Variants in CDKN2B-AS1 observed in about 807,000 individuals in gnomAD.
CDKN2B-AS1 encodes CDKN2B antisense RNA 1 (non-protein coding).
intron 4 of CDKN2B-AS1, among the ~76,000 whole-genome samples, chr9:22,117,311 A>G (rs1252997077): frequency 1.3e-5 from 2 of 152,226 alleles, no homozygotes; most frequent in East Asian, 3.8e-4. Context: ...CAACTATTTA[A>G]CATGGCCATT....
chr9:22,128,111 A>G (rs1019509604), downstream of CDKN2B-AS1, among the ~76,000 whole-genome samples: 1 of 152,230 alleles, frequency 6.6e-6, no homozygotes. Flanking sequence ...GGATCAATAT[A>G]TATTTGCAAT....
intron 1 of CDKN2B-AS1, among the ~76,000 whole-genome samples, chr9:22,016,330 T>C (rs202069023): frequency 2.6e-5 from 4 of 152,154 alleles, no homozygotes; most frequent in African/African-American, 7.2e-5. Flanking sequence ...ATTCCATGCT[T>C]ATGGATAGGA....
At chr9:22,034,182 TTATTACTTTATGTGC>T (rs1822591576) in intron 1 of CDKN2B-AS1, among the ~76,000 whole-genome samples, 1 of 152,194 alleles carries the variant, frequency 6.6e-6, no homozygotes, top group Non-Finnish European at 1.5e-5. Context: ...TCTCAATTGG[TTATTACTTTATGTGC>T]TTTCCATATT....
intron 4 of CDKN2B-AS1, among the ~76,000 whole-genome samples, chr9:22,122,273 G>A (rs916901028): frequency 1.3e-5 from 2 of 151,940 alleles, no homozygotes; most frequent in Non-Finnish European, 2.9e-5. Flanking sequence ...AGATGTTTGA[G>A]TCCCTTATAT....
At chr9:22,047,871 C>G (rs749762151) in intron 2 of CDKN2B-AS1, among the ~76,000 whole-genome samples, 1 of 151,776 alleles carries the variant, frequency 6.6e-6, no homozygotes, top group East Asian at 1.9e-4. Flanking sequence ...ATTGCAGCCT[C>G]AACCTCTTGG....
intron 1 of CDKN2B-AS1, among the ~76,000 whole-genome samples, chr9:22,045,220 A>G (rs1340330527): frequency 6.6e-6 from 1 of 152,036 alleles, no homozygotes. Context: ...GTATTCTAAC[A>G]TAGAATAGCT....
chr9:22,069,963 A>C (rs1824221106), intron 4 of CDKN2B-AS1, among the ~76,000 whole-genome samples: 1 of 152,058 alleles, frequency 6.6e-6, no homozygotes, highest in South Asian at 2.1e-4. Flanking sequence ...CCCAGGTTCA[A>C]GTGATTCTTT....
chr9:22,010,251 C>T (rs186100196), intron 1 of CDKN2B-AS1, among the ~76,000 whole-genome samples: 28 of 152,240 alleles, frequency 1.8e-4, no homozygotes, highest in Non-Finnish European at 3.1e-4. Context: ...TTTCCCCTTC[C>T]TAATCTTCCT....
chr9:22,068,101 G>C (rs1824137226), intron 4 of CDKN2B-AS1, among the ~76,000 whole-genome samples: 1 of 152,152 alleles, frequency 6.6e-6, no homozygotes, highest in South Asian at 2.1e-4. Flanking sequence ...TTAAATGTTA[G>C]TTTTGTCCTC....
rs1821368215 is a variant in CDKN2B-AS1 at position 22,009,247 on chromosome 9, G to T, written n.29+14086G>T. On this transcript the variant is annotated intron_variant and non_coding_transcript_variant, in intron 1 of 4. Transcript: ENST00000650946. The stretch of plus-strand genomic sequence containing the variant: ...ACGCAGCCGAGCTCAAAGCCGCTCT[G>T]GCCGCAGGGTGCGGACGCGTCGCGG... The T allele has an allele frequency of 1.1e-5, 6 of 554,064 alleles. No homozygotes were observed. In the Admixed American group the frequency reaches 1.9e-4, roughly 18 times the overall value. 34.3% of individuals were successfully genotyped at this position (554,064 alleles called of 1,614,324 possible).
At position 22,093,722 on chromosome 9, in the gene CDKN2B-AS1, G is replaced by A. The variant is rs186095643; in HGVS notation, n.439-33381G>A. ...TGAGCCTATGTGTGTTTCTGCACAT[G>A]AGATGGGATTCCTGAATACAGCACA... On this transcript the variant is annotated intron_variant and non_coding_transcript_variant, in intron 4 of 4. Coordinates refer to ENST00000650946, the Ensembl canonical transcript of CDKN2B-AS1. 2.9e-4 allele frequency among the ~76,000 whole-genome samples: 41 copies of A among 143,828 alleles called. 1 individual carries two copies. The highest frequency in any genetic ancestry group is 2.6e-3 in the South Asian group (12 of 4,702). 94.4% of individuals were successfully genotyped at this position (143,828 alleles called of 152,430 possible).
chr9:22,101,227 C>T (rs541639857), intron 4 of CDKN2B-AS1, among the ~76,000 whole-genome samples: 5 of 152,294 alleles, frequency 3.3e-5, no homozygotes, highest in African/African-American at 1.2e-4. Context: ...ACAACTTTCC[C>T]TCCTCACTGC....
chr9:22,124,261 C>G (rs907326881), intron 4 of CDKN2B-AS1, among the ~76,000 whole-genome samples: 1 of 152,080 alleles, frequency 6.6e-6, no homozygotes, highest in African/African-American at 2.4e-5. Flanking sequence ...AACCACAATC[C>G]CACATTTTAA....
chr9:21,998,411 T>C (rs1474731855), intron 1 of CDKN2B-AS1, among the ~76,000 whole-genome samples: 1 of 152,252 alleles, frequency 6.6e-6, no homozygotes, highest in Non-Finnish European at 1.5e-5. Flanking sequence ...GAATGAGGCC[T>C]AGAAAGGCTC....
intron 1 of CDKN2B-AS1, chr9:22,004,879 A>G (rs1821087514): frequency 4.3e-6 from 1 of 233,160 alleles, no homozygotes; most frequent in Non-Finnish European, 8.5e-6. Context: ...GAAAAATTTA[A>G]CAAAGAAATA....
intron 3 of CDKN2B-AS1, among the ~76,000 whole-genome samples, chr9:22,055,795 A>G (rs1823534122): frequency 1.3e-5 from 2 of 152,006 alleles, no homozygotes; most frequent in Admixed American, 1.3e-4. Flanking sequence ...TTTAGTGAAA[A>G]TTTTTATTGA....
chr9:22,112,451 G>T (rs1021788656), intron 4 of CDKN2B-AS1: 1 of 152,202 alleles, frequency 6.6e-6, no homozygotes, highest in Admixed American at 6.5e-5. Context: ...CCTGGGAAAA[G>T]TCTGATTGTC....
At chr9:22,025,864 T>C (rs1170065517) in intron 1 of CDKN2B-AS1, among the ~76,000 whole-genome samples, 1 of 152,188 alleles carries the variant, frequency 6.6e-6, no homozygotes, top group Non-Finnish European at 1.5e-5. Flanking sequence ...AGTTGTGCCA[T>C]ACTGGGGGTA....
chr9:22,087,156 G>A (rs191045974), intron 4 of CDKN2B-AS1, among the ~76,000 whole-genome samples: 4 of 152,316 alleles, frequency 2.6e-5, no homozygotes, highest in Admixed American at 2.0e-4. Flanking sequence ...ATGGAGAAGA[G>A]GTGCAACTTT....
Sources: gnomAD v4.1 joint callset for allele counts (sites outside exome capture counted in the v4.1 genomes callset) on GRCh38, gnomAD v4.1.1 for gene constraint, MANE v1.5 for transcripts, NCBI Gene and HGNC (gene_info 2026-07-23, HGNC 2026-07-21) for gene names.